The following OR1D2 variants were observed in gnomAD, a reference collection of about 807,000 sequenced individuals.
OR1D2 encodes olfactory receptor 1D2.
For missense variants in OR1D2, 357 were observed against 376.1 expected (o/e 0.95, Z 0.42); for synonymous variants, 157 against 153.9 (o/e 1.02, Z -0.15).
chr17:3,103,252 CT>C (rs981924590), intron 1 of OR1D2, among the ~76,000 whole-genome samples: 14 of 151,386 alleles, frequency 9.2e-5, no homozygotes, highest in East Asian at 1.9e-4. Flanking sequence ...CTTTTCCTTT[CT>C]TTTTTTTTGA....
At chr17:3,101,003 C>G (rs1173969629) in intron 1 of OR1D2, among the ~76,000 whole-genome samples, 1 of 152,120 alleles carries the variant, frequency 6.6e-6, no homozygotes, top group Non-Finnish European at 1.5e-5. Context: ...AGACCAATAA[C>G]AAGTTCTGAA....
Position 3,091,878 on chromosome 17 carries a change from C to A in OR1D2, c.*180G>T. 1 of 564,090 alleles carries A rather than the reference C, an allele frequency of 1.8e-6. No homozygotes were observed. The highest frequency in any genetic ancestry group is 3.2e-6 in the Non-Finnish European group (1 of 314,032). 34.9% of individuals were successfully genotyped at this position (564,090 alleles called of 1,614,324 possible). Reference sequence around the variant, plus strand: ...AGTGTGACCTTATTTACGGCCAAGGCTGATGAGACCTGGGGGACACCAGGT... The same window carrying A: ...AGTGTGACCTTATTTACGGCCAAGGATGATGAGACCTGGGGGACACCAGGT... On this transcript the variant is annotated 3_prime_UTR_variant, in exon 2 of 2. Coordinates refer to ENST00000641833, the MANE Select transcript of OR1D2 (RefSeq NM_002548.3).
chr17:3,094,337 G>A (rs754842353), intron 1 of OR1D2, among the ~76,000 whole-genome samples: 4 of 151,326 alleles, frequency 2.6e-5, no homozygotes, highest in African/African-American at 7.3e-5. Context: ...TTTTTCCTTC[G>A]AAAGCCTAAT....
intron 1 of OR1D2, among the ~76,000 whole-genome samples, chr17:3,093,654 T>A (rs538671126): frequency 4.6e-5 from 7 of 152,234 alleles, no homozygotes; most frequent in African/African-American, 1.7e-4. Context: ...CAATTAGCAC[T>A]CAGAAATGTT....
At chr17:3,098,581 A>G (rs1249464672) in intron 1 of OR1D2, among the ~76,000 whole-genome samples, 1 of 152,162 alleles carries the variant, frequency 6.6e-6, no homozygotes, top group Non-Finnish European at 1.5e-5. Flanking sequence ...CAACAACAAC[A>G]ACAAATGCTG....
chr17:3,096,366 T>C (rs1317843448), intron 1 of OR1D2, among the ~76,000 whole-genome samples: 1 of 152,168 alleles, frequency 6.6e-6, no homozygotes, highest in Non-Finnish European at 1.5e-5. Context: ...TACAGCAAGG[T>C]TGAAAGTAAG....
At chr17:3,099,356 A>G (rs1362293100) in intron 1 of OR1D2, among the ~76,000 whole-genome samples, 1 of 152,164 alleles carries the variant, frequency 6.6e-6, no homozygotes, top group Non-Finnish European at 1.5e-5. Context: ...GATAGAAGAG[A>G]GTGGGGGCCA....
rs909540048 is a variant in OR1D2 at position 3,091,941 on chromosome 17, C to G, written c.*117G>C. 1.3e-5 allele frequency: 10 copies of G among 767,202 alleles called. No individual in the cohort carries two copies. In the African/African-American group the frequency reaches 1.7e-4, roughly 13 times the overall value. 47.5% of individuals were successfully genotyped at this position (767,202 alleles called of 1,614,324 possible). The stretch of plus-strand genomic sequence containing the variant: ...TTTTTTATCACCACATATCTATATG[C>G]TGTCTCTGAGCTGGAGCCATGTCCC... On this transcript the variant is annotated 3_prime_UTR_variant, in exon 2 of 2. Coordinates refer to ENST00000641833, the MANE Select transcript of OR1D2 (RefSeq NM_002548.3).
At chr17:3,097,883 C>T (rs1010526265) in intron 1 of OR1D2, among the ~76,000 whole-genome samples, 5 of 152,212 alleles carry the variant, frequency 3.3e-5, no homozygotes, top group African/African-American at 1.2e-4. Context: ...GTGTCCACCA[C>T]AGCCCAACAC....
chr17:3,095,427 A>G (rs2151707443), intron 1 of OR1D2, among the ~76,000 whole-genome samples: 1 of 152,242 alleles, frequency 6.6e-6, no homozygotes, highest in East Asian at 1.9e-4. Flanking sequence ...CTTTAAAAGA[A>G]TGAAGGCCAA....
chr17:3,100,495 G>A (rs370045783), intron 1 of OR1D2, among the ~76,000 whole-genome samples: 4 of 152,192 alleles, frequency 2.6e-5, no homozygotes. Context: ...AAGAGACAAT[G>A]TACCAGAATC....
Position 3,092,057 on chromosome 17 carries a change from C to A in OR1D2, c.*1G>T. The stretch of plus-strand genomic sequence containing the variant: ...TTTAATGCTGTCTTTCCAAATTGCC[C>A]TCATGTCAGCCTCTTAAAGTGTTTA... On this transcript the variant is annotated 3_prime_UTR_variant, in exon 2 of 2. Coordinates refer to ENST00000641833, the MANE Select transcript of OR1D2 (RefSeq NM_002548.3). 1 of 1,598,892 alleles carries A rather than the reference C, an allele frequency of 6.3e-7. No homozygotes were observed. Among genetic ancestry groups the A allele is most frequent in the Non-Finnish European group, 8.5e-7 (1 of 1,172,600 alleles).
At position 3,091,292 on chromosome 17, in the gene OR1D2, T is replaced by A. The variant is rs947532511; in HGVS notation, c.*766A>T. 1.3e-5 allele frequency: 2 copies of A among 152,246 alleles called. No individual in the cohort carries two copies. The highest frequency in any genetic ancestry group is 6.5e-5 in the Admixed American group (1 of 15,290). The allele number at this position is 152,246 out of a possible 1,614,324, so 9.4% of individuals were successfully genotyped here. ...CTTTTACCTGATGTCATTGCAGCAATATTTCACTTAAAATATTTAGTATTT... is the reference window on the plus strand; with the variant it reads ...CTTTTACCTGATGTCATTGCAGCAAAATTTCACTTAAAATATTTAGTATTT... On this transcript the variant is annotated 3_prime_UTR_variant, in exon 2 of 2. Transcript: ENST00000641833.
intron 1 of OR1D2, among the ~76,000 whole-genome samples, chr17:3,103,175 GCCAGAGAACTC>G (rs559978902): frequency 2.0e-5 from 3 of 152,280 alleles, no homozygotes; most frequent in African/African-American, 7.2e-5. Context: ...ACTGAGGAAG[GCCAGAGAACTC>G]CCAGGGAAAT....
chr17:3,098,027 G>T (rs557677631), intron 1 of OR1D2, among the ~76,000 whole-genome samples: 2 of 152,120 alleles, frequency 1.3e-5, no homozygotes, highest in African/African-American at 4.8e-5. Context: ...GATCTCCCTG[G>T]GCCTGAGCCC....
chr17:3,101,889 C>T (rs1432094770), intron 1 of OR1D2, among the ~76,000 whole-genome samples: 2 of 152,054 alleles, frequency 1.3e-5, no homozygotes, highest in Non-Finnish European at 2.9e-5. Context: ...AAGCAGAGAG[C>T]CAAATCATGA....
At chr17:3,097,961 G>A (rs1188268810) in intron 1 of OR1D2, among the ~76,000 whole-genome samples, 3 of 152,150 alleles carry the variant, frequency 2.0e-5, no homozygotes, top group African/African-American at 4.8e-5. Context: ...TCCTCACTGG[G>A]TGGGGCCTCA....
intron 1 of OR1D2, among the ~76,000 whole-genome samples, chr17:3,097,087 G>A (rs1442641395): frequency 6.6e-6 from 1 of 152,152 alleles, no homozygotes; most frequent in Non-Finnish European, 1.5e-5. Flanking sequence ...ATTTCCATAT[G>A]TTACTTCATT....
chr17:3,097,916 A>G (rs536369796), intron 1 of OR1D2, among the ~76,000 whole-genome samples: 76 of 152,254 alleles, frequency 5.0e-4, no homozygotes, highest in African/African-American at 1.7e-3. Context: ...GACTGTGGCC[A>G]AAGCACCTCT....
Sources: gnomAD v4.1 joint callset for allele counts (sites outside exome capture counted in the v4.1 genomes callset) on GRCh38, gnomAD v4.1.1 for gene constraint, MANE v1.5 for transcripts, NCBI Gene and HGNC (gene_info 2026-07-23, HGNC 2026-07-21) for gene names.